The following ADORA1 variants were observed in gnomAD, a reference collection of about 807,000 sequenced individuals.
ADORA1 encodes the protein adenosine receptor A1.
A neutral mutation model predicts 19.9 loss-of-function variants in ADORA1; 6 were observed. The observed-to-expected ratio is 0.30, with a 90% CI of 0.17 to 0.59. ADORA1 has a LOEUF of 0.59. ADORA1 is among the 20% of genes least tolerant of loss of function. The probability of loss-of-function intolerance (pLI) is 0.87; values close to 1 mark genes in which losing one functional copy is unlikely to be tolerated. For synonymous variants in ADORA1, 194 were observed against 188.4 expected (o/e 1.03, Z -0.24); for missense variants, 302 against 439.2 (o/e 0.69, Z 2.79).
chr1:203,158,536 A>G lies in ADORA1; in HGVS notation c.342-6725A>G, dbSNP rs895940727. The stretch of plus-strand genomic sequence containing the variant: ...CAGAATTACCCTTAATGCTCCATTT[A>G]TGGCAGTCTGGGCATTTTTTAGCCT... On this transcript the variant is annotated intron_variant, in intron 3 of 3. Transcript: ENST00000337894. 2.0e-5 allele frequency among the ~76,000 whole-genome samples: 3 copies of G among 152,192 alleles called. 1 individual carries two copies. The highest frequency in any genetic ancestry group is 2.0e-4 in the Admixed American group (3 of 15,286).
At chr1:203,141,105 G>A (rs1399201466) in intron 3 of ADORA1, among the ~76,000 whole-genome samples, 1 of 152,228 alleles carries the variant, frequency 6.6e-6, no homozygotes, top group African/African-American at 2.4e-5. Context: ...CAATAAGCAG[G>A]CATCACCAAG....
In ADORA1 at chr1:203,145,619, C is replaced by T. The variant is rs1236137830; in HGVS notation, c.341+16437C>T. On this transcript the variant is annotated intron_variant, in intron 3 of 3. Transcript: ENST00000337894. ...AGCCAGTCTCCCAGTCCCAGCTCTG[C>T]CACCTGCTTGCTGTGTGCCCGAGGC... Among the ~76,000 whole-genome samples, 5 of 152,210 alleles carry T rather than the reference C, an allele frequency of 3.3e-5. No individual in the cohort carries two copies. The East Asian group carries it at 7.7e-4, about 23-fold the overall frequency.
chr1:203,157,290 C>A (rs927223907), intron 3 of ADORA1, among the ~76,000 whole-genome samples: 1 of 152,222 alleles, frequency 6.6e-6, no homozygotes, highest in Non-Finnish European at 1.5e-5. Flanking sequence ...AGGATAGGTT[C>A]CCCATTCCAA....
At chr1:203,153,802 C>T (rs938738935) in intron 3 of ADORA1, among the ~76,000 whole-genome samples, 3 of 152,182 alleles carry the variant, frequency 2.0e-5, no homozygotes, top group African/African-American at 7.2e-5. Flanking sequence ...TCCTGTTCTC[C>T]TTGGGGAGGA....
intron 3 of ADORA1, among the ~76,000 whole-genome samples, chr1:203,137,264 A>G (rs1654541414): frequency 6.6e-6 from 1 of 152,208 alleles, no homozygotes; most frequent in Non-Finnish European, 1.5e-5. Flanking sequence ...GCCCTAGCAT[A>G]GGAATGTACC....
In ADORA1 at chr1:203,165,480, G is replaced by A. The variant is rs375943917; in HGVS notation, c.561G>A (p.Val187=). Residue 187 remains valine, a synonymous_variant, in exon 4 of 4, where the codon GTG becomes GTA. Transcript: ENST00000337894. The surrounding 1 kb of genome is among the most constrained non-coding windows in gnomAD (Gnocchi z 5.9). ...ACATGGTCTACTTCAACTTCTTTGTGTGGGTGCTGCCCCCGCTTCTCCTCA... is the reference window on the plus strand; with the variant it reads ...ACATGGTCTACTTCAACTTCTTTGTATGGGTGCTGCCCCCGCTTCTCCTCA... The part of the protein sequence containing the change: ...MEYMVYFNFF[V]WVLPPLLLMV... 4.3e-6 allele frequency: 7 copies of A among 1,613,368 alleles called. No individual in the cohort carries two copies. The highest frequency in any genetic ancestry group is 5.1e-6 in the Non-Finnish European group (6 of 1,179,574).
At chr1:203,132,895 G>A (rs772957274) in intron 3 of ADORA1, among the ~76,000 whole-genome samples, 37 of 152,056 alleles carry the variant, frequency 2.4e-4, no homozygotes, top group Non-Finnish European at 4.7e-4. Context: ...TTGGATTTGA[G>A]GTCTCTGAGG....
At chr1:203,135,014 G>A (rs1163722835) in intron 3 of ADORA1, among the ~76,000 whole-genome samples, 1 of 152,098 alleles carries the variant, frequency 6.6e-6, no homozygotes, top group Non-Finnish European at 1.5e-5. Context: ...GGCCTTCCCT[G>A]AGCCCCACCC....
At chr1:203,138,500 G>T (rs1654580415) in intron 3 of ADORA1, among the ~76,000 whole-genome samples, 1 of 152,212 alleles carries the variant, frequency 6.6e-6, no homozygotes, top group East Asian at 1.9e-4. Flanking sequence ...GACATAGGAA[G>T]AAAACTCAGA....
At chr1:203,136,266 C>T (rs1654504952) in intron 3 of ADORA1, among the ~76,000 whole-genome samples, 1 of 152,080 alleles carries the variant, frequency 6.6e-6, no homozygotes, top group African/African-American at 2.4e-5. Flanking sequence ...ATGGGTGGGT[C>T]TTGGCATACA....
At chr1:203,140,941 T>C (rs1383977895) in intron 3 of ADORA1, among the ~76,000 whole-genome samples, 1 of 152,222 alleles carries the variant, frequency 6.6e-6, no homozygotes, top group Non-Finnish European at 1.5e-5. Context: ...TTTCTTATCA[T>C]TGCTGGAATG....
intron 3 of ADORA1, among the ~76,000 whole-genome samples, chr1:203,143,771 C>T (rs1019109034): frequency 6.6e-6 from 1 of 152,140 alleles, no homozygotes; most frequent in African/African-American, 2.4e-5. Flanking sequence ...TGATGTAGAA[C>T]GAAGTTCACA....
rs1392453267 is a variant in ADORA1, at chr1:203,139,285, A to G, written c.341+10103A>G. Among the ~76,000 whole-genome samples the G allele has an allele frequency of 3.3e-5, 5 of 152,304 alleles. No individual in the cohort carries two copies. In the East Asian group the frequency reaches 7.7e-4, roughly 24 times the overall value. The stretch of plus-strand genomic sequence containing the variant: ...CGTGGAGAGACAGGCTTTAGACGGG[A>G]TCCTGGAGGCTCTTCTGTGGCAACA... On this transcript the variant is annotated intron_variant, in intron 3 of 3. Coordinates refer to ENST00000337894, the MANE Select transcript of ADORA1 (RefSeq NM_000674.3).
chr1:203,164,840 A>G (rs1425885992), intron 3 of ADORA1, among the ~76,000 whole-genome samples: 1 of 152,162 alleles, frequency 6.6e-6, no homozygotes, highest in Admixed American at 6.5e-5. Flanking sequence ...TTTGAACCTC[A>G]GTTTCCTCAT....
At chr1:203,135,486 C>T (rs940637896) in intron 3 of ADORA1, among the ~76,000 whole-genome samples, 1 of 151,888 alleles carries the variant, frequency 6.6e-6, no homozygotes. Context: ...TGGTGAAATG[C>T]GTCTCTACTA....
rs1013073947 is a variant in ADORA1, at chr1:203,166,176, AC to A, written c.*278del. On this transcript the variant is annotated 3_prime_UTR_variant, in exon 4 of 4. Transcript: ENST00000337894. ...AGTGTTCTGAGCCCCCACCTGCCTG[AC>A]CATCCCATGAGCAGTCCAGAGCTTC... 3.1e-5 allele frequency: 11 copies of A among 355,536 alleles called. No individual in the cohort carries two copies. Among genetic ancestry groups the A allele is most frequent in the African/African-American group, 2.1e-4 (10 of 47,974 alleles). 22.0% of individuals were successfully genotyped at this position (355,536 alleles called of 1,614,324 possible).
intron 3 of ADORA1, among the ~76,000 whole-genome samples, chr1:203,159,135 C>A (rs555909801): frequency 3.9e-5 from 6 of 152,202 alleles, no homozygotes; most frequent in Non-Finnish European, 8.8e-5. Flanking sequence ...CCATATGCTT[C>A]TCCTCAATTC....
chr1:203,146,470 A>G (rs1485503242), intron 3 of ADORA1, among the ~76,000 whole-genome samples: 1 of 151,978 alleles, frequency 6.6e-6, no homozygotes, highest in Non-Finnish European at 1.5e-5. Flanking sequence ...TCTAAAAATA[A>G]TTTTAAAAAT....
Position 203,139,748 on chromosome 1 carries a change from G to A in ADORA1, c.341+10566G>A, listed in dbSNP as rs926113282. On this transcript the variant is annotated intron_variant, in intron 3 of 3. Transcript: ENST00000337894. Reference sequence around the variant, plus strand: ...GAACTTATAGGCTAGCAGGGAGCGAGAGCCCATGGACATGCCAGCAAGCAG... The same window carrying A: ...GAACTTATAGGCTAGCAGGGAGCGAAAGCCCATGGACATGCCAGCAAGCAG... 1.3e-5 allele frequency among the ~76,000 whole-genome samples: 2 copies of A among 152,212 alleles called. 1 individual carries two copies. The highest frequency in any genetic ancestry group is 2.9e-5 in the Non-Finnish European group (2 of 68,046).
Sources: gnomAD v4.1 joint callset for allele counts (sites outside exome capture counted in the v4.1 genomes callset) on GRCh38, gnomAD v4.1.1 for gene constraint, Gnocchi (gnomAD v3.1) non-coding constraint, MANE v1.5 for transcripts, NCBI Gene and HGNC (gene_info 2026-07-23, HGNC 2026-07-21) for gene names.